ADGRV1: variants seen among roughly 807,000 people sequenced by gnomAD.
ADGRV1 encodes G-protein coupled receptor 98.
Under a neutral mutation model 596.2 loss-of-function variants are expected in ADGRV1, and 359 were observed. The observed-to-expected ratio is 0.60, with a 90% CI of 0.55 to 0.66. The LOEUF (loss-of-function observed/expected upper bound fraction) is 0.66. ADGRV1 is among the 30% of genes least tolerant of loss of function. The probability of loss-of-function intolerance (pLI) is 0.00; values close to 1 mark genes in which losing one functional copy is unlikely to be tolerated. For synonymous variants in ADGRV1, 2,681 were observed against 2,679.2 expected (o/e 1.00, Z -0.02); for missense variants, 7,274 against 7,575.6 (o/e 0.96, Z 1.48).
At chr5:90,851,102 G>GGGGTGTGTGTGTGT (rs1554136388) in intron 79 of ADGRV1, among the ~76,000 whole-genome samples, 18 of 50,636 alleles carry the variant, frequency 3.6e-4, no homozygotes, top group African/African-American at 4.0e-4. Context: ...AGCTAGGTAG[G>GGGGTGTGTGTGTGT]GTGTGTGTGT....
Position 90,644,188 on chromosome 5 carries a change from G to C in ADGRV1, c.2734+205G>C, listed in dbSNP as rs17620522. The stretch of plus-strand genomic sequence containing the variant: ...TATCGTGATGATACTGATGACTTCA[G>C]TTATATTTTGATACCATTTAAGCAT... On this transcript the variant is annotated intron_variant, in intron 14 of 89. Transcript: ENST00000405460. Among the ~76,000 whole-genome samples the C allele has an allele frequency of 0.019, 2,936 of 152,218 alleles. 46 individuals are homozygous for C. Among genetic ancestry groups the C allele is most frequent in the Non-Finnish European group, 0.032 (2,145 of 68,020 alleles).
chr5:90,728,520 A>G (rs1752098178), intron 48 of ADGRV1, 149 bp from the exon 49 acceptor site: 1 of 685,360 alleles, frequency 1.5e-6, no homozygotes, highest in Admixed American at 2.5e-5. Flanking sequence ...GCAGCAAGGG[A>G]GCATCAGTTT....
chr5:91,101,538 A>T (rs572973547), intron 86 of ADGRV1, among the ~76,000 whole-genome samples: 1 of 152,344 alleles, frequency 6.6e-6, no homozygotes, highest in African/African-American at 2.4e-5. Context: ...TTATTATTCT[A>T]AAACTCAGAT....
In ADGRV1 at chr5:90,745,084, T is replaced by C. The variant is rs758944291; in HGVS notation, c.10588T>C (p.Tyr3530His). The C allele has an allele frequency of 3.1e-6, 5 of 1,613,712 alleles. No individual in the cohort carries two copies. The highest frequency in any genetic ancestry group is 3.3e-5 in the Admixed American group (2 of 60,008). Reference protein sequence around the residue: ...LLIGQDMSALYCWNSERNQFS... With the variant: ...LLIGQDMSALHCWNSERNQFS... ...TATTGGCCAAGATATGTCTGCTCTT[T>C]ACTGCTGGAATTCGGAGCGTAATCA... The change falls in exon 51 of 90, where the codon TAC (tyrosine) becomes CAC (histidine). Residue 3530 changes from tyrosine to histidine, a missense_variant. Transcript: ENST00000405460.
At chr5:90,581,830 G>A (rs1425560342) in intron 1 of ADGRV1, among the ~76,000 whole-genome samples, 1 of 152,182 alleles carries the variant, frequency 6.6e-6, no homozygotes, top group Non-Finnish European at 1.5e-5. Flanking sequence ...AGGCTATTAA[G>A]TTTCTTCTTA....
intron 75 of ADGRV1, among the ~76,000 whole-genome samples, chr5:90,818,071 G>A (rs998313747): frequency 2.0e-5 from 3 of 150,010 alleles, no homozygotes; most frequent in African/African-American, 4.9e-5. Context: ...CCATTTGTTT[G>A]TATCCTCTTT....
intron 85 of ADGRV1, among the ~76,000 whole-genome samples, chr5:91,015,787 A>G (rs1783125674): frequency 6.6e-6 from 1 of 151,902 alleles, no homozygotes; most frequent in Non-Finnish European, 1.5e-5. Flanking sequence ...TATGTGTGAG[A>G]TGACAGCGTA....
intron 61 of ADGRV1, among the ~76,000 whole-genome samples, chr5:90,777,066 A>T (rs989155492): frequency 6.6e-6 from 1 of 152,148 alleles, no homozygotes; most frequent in Non-Finnish European, 1.5e-5. Flanking sequence ...TGAAGAAAAG[A>T]GGTTTAATTG....
intron 9 of ADGRV1, among the ~76,000 whole-genome samples, chr5:90,632,767 C>T (rs533156633): frequency 1.3e-5 from 2 of 152,282 alleles, no homozygotes; most frequent in East Asian, 3.9e-4. Context: ...ATTTCAGACT[C>T]AATTCTTTAT....
At chr5:90,667,164 C>T (rs868685314) in intron 21 of ADGRV1, among the ~76,000 whole-genome samples, 8,470 of 147,156 alleles carry the variant, frequency 0.058, 334 homozygotes, top group South Asian at 0.12. Context: ...GCCTGCCTTG[C>T]TAGATTGGGG....
intron 74 of ADGRV1, among the ~76,000 whole-genome samples, chr5:90,815,074 AAT>A (rs1175569432): frequency 1.3e-5 from 2 of 151,946 alleles, no homozygotes; most frequent in Non-Finnish European, 2.9e-5. Flanking sequence ...GGAGTTCCTT[AAT>A]ATTTCTGTTT....
At chr5:91,024,300 G>A (rs1441313391) in intron 85 of ADGRV1, among the ~76,000 whole-genome samples, 5 of 152,172 alleles carry the variant, frequency 3.3e-5, no homozygotes, top group African/African-American at 1.2e-4. Flanking sequence ...AAGAAAGGAA[G>A]CATGTTAATA....
chr5:90,684,112 A>G lies in ADGRV1; in HGVS notation c.6191A>G (p.Asp2064Gly). ...SEATIAISILDDDEPERSESV... is the reference protein window; with the variant it reads ...SEATIAISILGDDEPERSESV... ...GCAACAATAGCTATTTCAATTTTGG[A>G]TGATGATGAGCCAGAAAGGTCCGAA... The change falls in exon 28 of 90, where the codon GAT (aspartate) becomes GGT (glycine). Residue 2064 changes from aspartate to glycine, a missense_variant. Physicochemically the swap from Asp to Gly is moderately conservative, Grantham distance 94. Coordinates refer to ENST00000405460, the MANE Select transcript of ADGRV1 (RefSeq NM_032119.4). The G allele has an allele frequency of 6.2e-7, 1 of 1,613,904 alleles. No homozygotes were observed. The highest frequency in any genetic ancestry group is 1.3e-5 in the African/African-American group (1 of 75,032).
chr5:90,957,343 A>C (rs1366006960), intron 83 of ADGRV1, among the ~76,000 whole-genome samples: 3 of 151,904 alleles, frequency 2.0e-5, no homozygotes, highest in African/African-American at 7.3e-5. Flanking sequence ...AACTATTATT[A>C]TTGTTGCTGT....
rs376892635 is a variant in ADGRV1 at position 90,926,242 on chromosome 5, T to G, written c.17857-39173T>G. 2.8e-3 allele frequency among the ~76,000 whole-genome samples: 421 copies of G among 151,924 alleles called. 7 individuals carry two copies. The East Asian group carries it at 0.053, about 19-fold the overall frequency. On this transcript the variant is annotated intron_variant, in intron 83 of 89. Transcript: ENST00000405460. Reference sequence around the variant, plus strand: ...CTCCTTGTACCTCTGGTAGAATTCGTCTGTGAATCCATCTGGTCCTGGACT... The same window carrying G: ...CTCCTTGTACCTCTGGTAGAATTCGGCTGTGAATCCATCTGGTCCTGGACT...
chr5:90,682,403 G>T (rs1207280464), intron 27 of ADGRV1, among the ~76,000 whole-genome samples: 1 of 152,146 alleles, frequency 6.6e-6, no homozygotes, highest in Non-Finnish European at 1.5e-5. Context: ...ATCCTATCCT[G>T]TCTCTCTCCC....
chr5:90,876,819 T>C (rs1769261578), intron 83 of ADGRV1, among the ~76,000 whole-genome samples: 1 of 152,216 alleles, frequency 6.6e-6, no homozygotes, highest in South Asian at 2.1e-4. Flanking sequence ...TATCTCATGT[T>C]TGCAGTTATT....
intron 86 of ADGRV1, among the ~76,000 whole-genome samples, chr5:91,093,134 T>C (rs1331803932): frequency 1.3e-5 from 2 of 152,232 alleles, no homozygotes; most frequent in Non-Finnish European, 1.5e-5. Flanking sequence ...CAATTATCCT[T>C]TATTTTTTAT....
intron 50 of ADGRV1, among the ~76,000 whole-genome samples, chr5:90,737,194 A>AT (rs1753353083): frequency 6.6e-6 from 1 of 151,606 alleles, no homozygotes; most frequent in African/African-American, 2.4e-5. Context: ...TCTGCAAGTC[A>AT]TTTATTGTTT....
Sources: gnomAD v4.1 joint callset for allele counts (sites outside exome capture counted in the v4.1 genomes callset) on GRCh38, gnomAD v4.1.1 for gene constraint, MANE v1.5 for transcripts, NCBI Gene and HGNC (gene_info 2026-07-23, HGNC 2026-07-21) for gene names.